The following KCNMA1 variants were observed in gnomAD, a reference collection of about 807,000 sequenced individuals.
The protein encoded by KCNMA1 is potassium calcium-activated channel subfamily M alpha 1, also known as Calcium-activated potassium channel subunit alpha-1.
KCNMA1 carries 29 observed loss-of-function variants against 140.0 expected under a neutral mutation model. The observed-to-expected ratio is 0.21, with a 90% CI of 0.15 to 0.28. The LOEUF is 0.28. KCNMA1 is among the 10% of genes least tolerant of loss of function. The pLI is 1.00. For synonymous variants in KCNMA1, 612 were observed against 611.9 expected (o/e 1.00, Z 0.00); for missense variants, 880 against 1,602.2 (o/e 0.55, Z 7.70).
intron 2 of KCNMA1, among the ~76,000 whole-genome samples, chr10:77,277,035 C>T (rs897522245): frequency 7.2e-5 from 11 of 152,152 alleles, no homozygotes; most frequent in African/African-American, 2.7e-4. Context: ...CCCACACCTT[C>T]CTGAGATGTC....
At chr10:77,155,276 A>G (rs2098470111) in intron 5 of KCNMA1, among the ~76,000 whole-genome samples, 1 of 152,370 alleles carries the variant, frequency 6.6e-6, no homozygotes, top group East Asian at 1.9e-4. Context: ...CCTGCCTGCT[A>G]TTGATCTCCA....
chr10:77,037,632 G>T (rs1402741628), intron 15 of KCNMA1, among the ~76,000 whole-genome samples: 2 of 152,114 alleles, frequency 1.3e-5, no homozygotes, highest in African/African-American at 4.8e-5. Flanking sequence ...ACAAACACCA[G>T]TTAGGCCAGG....
At chr10:77,195,544 C>T (rs1415629262) in intron 3 of KCNMA1, among the ~76,000 whole-genome samples, 1 of 152,150 alleles carries the variant, frequency 6.6e-6, no homozygotes, top group Admixed American at 6.5e-5. Flanking sequence ...AGTAATGTCT[C>T]ATCTCCTGGA....
intron 21 of KCNMA1, among the ~76,000 whole-genome samples, chr10:76,951,174 C>T (rs1401869800): frequency 6.6e-6 from 1 of 152,162 alleles, no homozygotes; most frequent in African/African-American, 2.4e-5. Context: ...GTGGCCGAGG[C>T]ACAGATGCTG....
At chr10:77,258,992 G>A (rs575912169) in intron 2 of KCNMA1, among the ~76,000 whole-genome samples, 1 of 151,892 alleles carries the variant, frequency 6.6e-6, no homozygotes, top group African/African-American at 2.4e-5. Flanking sequence ...ATATAATCTT[G>A]CCACCAAAAA....
At chr10:76,921,841 A>T (rs2055921392) in intron 23 of KCNMA1, among the ~76,000 whole-genome samples, 1 of 152,224 alleles carries the variant, frequency 6.6e-6, no homozygotes, top group Non-Finnish European at 1.5e-5. Flanking sequence ...CCTCAGTTTA[A>T]CCTTGTAATA....
intron 15 of KCNMA1, among the ~76,000 whole-genome samples, chr10:77,028,570 T>A (rs1373208736): frequency 6.6e-6 from 1 of 152,124 alleles, no homozygotes; most frequent in Admixed American, 6.5e-5. Context: ...TCAACTCTAA[T>A]CTTGCAAGCA....
intron 2 of KCNMA1, among the ~76,000 whole-genome samples, chr10:77,335,871 A>C (rs1275066489): frequency 6.6e-6 from 1 of 152,068 alleles, no homozygotes; most frequent in Non-Finnish European, 1.5e-5. Context: ...TGACTCCAAG[A>C]CCCATGCTCC....
downstream of KCNMA1, among the ~76,000 whole-genome samples, chr10:76,882,552 A>C (rs182705427): frequency 3.5e-3 from 539 of 152,298 alleles, 1 homozygote; most frequent in Non-Finnish European, 5.7e-3. Context: ...TTTCATAGAG[A>C]TACAAATTAT....
At chr10:77,009,040 CT>C (rs2090027163) in intron 18 of KCNMA1, among the ~76,000 whole-genome samples, 1 of 152,176 alleles carries the variant, frequency 6.6e-6, no homozygotes, top group African/African-American at 2.4e-5. Flanking sequence ...GTTCTATGGC[CT>C]TTTAATTAGT....
At chr10:77,601,137 A>G (rs117371111) in intron 1 of KCNMA1, among the ~76,000 whole-genome samples, 14 of 152,262 alleles carry the variant, frequency 9.2e-5, no homozygotes, top group Middle Eastern at 3.4e-3. Flanking sequence ...CCTTTGCAAA[A>G]TGTATTCAGA....
intron 1 of KCNMA1, among the ~76,000 whole-genome samples, chr10:77,530,288 G>A (rs1220765221): frequency 6.6e-6 from 1 of 152,186 alleles, no homozygotes; most frequent in Non-Finnish European, 1.5e-5. Context: ...CTTGGGGAAA[G>A]ACACAAAATG....
chr10:77,161,328 G>A (rs1564902672), intron 5 of KCNMA1, among the ~76,000 whole-genome samples: 1 of 152,128 alleles, frequency 6.6e-6, no homozygotes, highest in Non-Finnish European at 1.5e-5. Flanking sequence ...GCTCTGAGCA[G>A]CCTCAACCTC....
chr10:77,513,435 A>C (rs1442112790), intron 1 of KCNMA1, among the ~76,000 whole-genome samples: 1 of 152,228 alleles, frequency 6.6e-6, no homozygotes, highest in Non-Finnish European at 1.5e-5. Context: ...TATCGAATGC[A>C]CTGCTGCCTC....
At chr10:77,111,433 T>G (rs1429203252) in intron 7 of KCNMA1, among the ~76,000 whole-genome samples, 1 of 152,202 alleles carries the variant, frequency 6.6e-6, no homozygotes, top group Admixed American at 6.5e-5. Context: ...GGGGTCATCA[T>G]CTTATTAAAG....
At chr10:77,530,354 T>G (rs1267946807) in intron 1 of KCNMA1, among the ~76,000 whole-genome samples, 1 of 152,254 alleles carries the variant, frequency 6.6e-6, no homozygotes, top group Non-Finnish European at 1.5e-5. Context: ...AGTCCAGGTC[T>G]CTCTGGGGCT....
At chr10:77,267,571 G>A (rs1258516588) in intron 2 of KCNMA1, among the ~76,000 whole-genome samples, 1 of 152,122 alleles carries the variant, frequency 6.6e-6, no homozygotes. Context: ...GAGCATCCAA[G>A]GCAGGAAGAT....
rs75217838 is a variant in KCNMA1 at position 77,269,238 on chromosome 10, C to T, written c.541-17982G>A. Among the ~76,000 whole-genome samples, 14 of 152,296 alleles carry T rather than the reference C, an allele frequency of 9.2e-5. No homozygotes were observed. The East Asian group carries it at 2.7e-3, about 29-fold the overall frequency. ...TCTTTCTTGGACTTCTTAAAAAGCA[C>T]AAGGAATAAGGAGCAAATCCATACT... On this transcript the variant is annotated intron_variant, in intron 2 of 27. Transcript: ENST00000286628.
At chr10:77,217,743 A>G (rs1254565880) in intron 3 of KCNMA1, among the ~76,000 whole-genome samples, 1 of 152,216 alleles carries the variant, frequency 6.6e-6, no homozygotes, top group Non-Finnish European at 1.5e-5. Context: ...CATAAATTCA[A>G]CAAAAGCATT....
Sources: gnomAD v4.1 joint callset for allele counts (sites outside exome capture counted in the v4.1 genomes callset) on GRCh38, gnomAD v4.1.1 for gene constraint, MANE v1.5 for transcripts, NCBI Gene and HGNC (gene_info 2026-07-23, HGNC 2026-07-21) for gene names.